The following MYO7B variants were observed in gnomAD, a reference collection of about 807,000 sequenced individuals.
MYO7B encodes unconventional myosin-VIIb.
In MYO7B, 212 loss-of-function variants were observed where a neutral mutation model predicts 259.7. The ratio of observed to expected loss-of-function variants is 0.82; its 90% CI spans 0.73 to 0.91. MYO7B has a LOEUF of 0.91. MYO7B is among the 40% of genes least tolerant of loss of function. The pLI is 0.00. For missense variants in MYO7B, 2,732 were observed against 2,813.5 expected (o/e 0.97, Z 0.66); for synonymous variants, 1,197 against 1,166.4 (o/e 1.03, Z -0.54).
In MYO7B at chr2:127,627,762, G is replaced by A. The variant is rs569166767; in HGVS notation, c.4460+452G>A. The A allele has an allele frequency of 8.7e-6, 4 of 458,506 alleles. No individual in the cohort carries two copies. The highest frequency in any genetic ancestry group is 1.8e-5 in the Non-Finnish European group (4 of 228,310). The allele number at this position is 458,506 out of a possible 1,614,324, so 28.4% of individuals were successfully genotyped here. Reference sequence around the variant, plus strand: ...GCTGGGGCTGACCCCCACTCCCATGGGTCTCCATGGATCTCATTGACTGGG... The same window carrying A: ...GCTGGGGCTGACCCCCACTCCCATGAGTCTCCATGGATCTCATTGACTGGG... On this transcript the variant is annotated intron_variant, in intron 33 of 47. Coordinates refer to ENST00000409816, the MANE Select transcript of MYO7B (RefSeq NM_001393586.1). This position sits in a 1 kb window ranked among gnomAD's most constrained non-coding sequence, Gnocchi z 5.6.
At chr2:127,635,675 TG>T in intron 43 of MYO7B, 46 bp from the exon 44 acceptor site, 1 of 1,541,012 alleles carries the variant, frequency 6.5e-7, no homozygotes, top group Non-Finnish European at 8.8e-7. Context: ...TGGGGGCGGG[TG>T]GGCCGCAGCT....
At chr2:127,567,088 G>T (rs940466167) in intron 5 of MYO7B, among the ~76,000 whole-genome samples, 16 of 152,152 alleles carry the variant, frequency 1.1e-4, no homozygotes, top group Admixed American at 9.8e-4. Context: ...AAGGAAGGAA[G>T]TTGGGCTGGG....
At chr2:127,581,867 C>T (rs540629101) in intron 10 of MYO7B, 24 bp from the exon 11 acceptor site, 23 of 1,612,808 alleles carry the variant, frequency 1.4e-5, no homozygotes, top group East Asian at 6.7e-5. Context: ...ACAGGTGCGA[C>T]GCAGCCCCCA....
chr2:127,565,210 G>A (rs764885540), intron 3 of MYO7B, 23 bp from the exon 4 acceptor site: 2 of 1,608,650 alleles, frequency 1.2e-6, no homozygotes, highest in Admixed American at 3.4e-5. Flanking sequence ...ACCCCTCAGG[G>A]GAGTCTGCAC....
In MYO7B at chr2:127,622,067, T is replaced by C; in HGVS notation, c.3611T>C (p.Val1204Ala). The C allele has an allele frequency of 4.5e-6, 7 of 1,551,446 alleles. No individual in the cohort carries two copies. Among genetic ancestry groups the C allele is most frequent in the Non-Finnish European group, 6.1e-6 (7 of 1,146,894 alleles). Residue 1204 changes from valine to alanine, a missense_variant, in exon 28 of 48, where the codon GTG becomes GCG. Val to Ala is a moderately conservative substitution (Grantham distance 64). This residue lies in a region of MYO7B where 1,906 missense variants were observed against 2,026.4 expected (regional missense o/e 0.94). Coordinates refer to ENST00000409816, the MANE Select transcript of MYO7B (RefSeq NM_001393586.1). ...CTGAGACGCACCTATGCCAATGGGG[T>C]GCGTGCGGAGCCCCCCACCTGGCTG... ...ERLRRTYANG[V>A]RAEPPTWLEL...
chr2:127,622,686 A>C (rs1216731451), intron 28 of MYO7B, among the ~76,000 whole-genome samples: 2 of 152,060 alleles, frequency 1.3e-5, no homozygotes, highest in Admixed American at 1.3e-4. Flanking sequence ...CTTCCGCTGC[A>C]CCTTCTTTCT....
intron 26 of MYO7B, among the ~76,000 whole-genome samples, chr2:127,616,064 C>G (rs1004344790): frequency 6.6e-6 from 1 of 152,238 alleles, no homozygotes; most frequent in African/African-American, 2.4e-5. Flanking sequence ...GGAGGCATGC[C>G]GTTGCTGAAG....
Position 127,629,835 on chromosome 2 carries a change from C to A in MYO7B, c.4806+9C>A. On this transcript the variant is annotated intron_variant, in intron 35 of 47. Coordinates refer to ENST00000409816, the MANE Select transcript of MYO7B (RefSeq NM_001393586.1). ...CCTCGGCACAGCTGCTGGTAACTGG[C>A]ACGCTCCCCTGTCCTCAGCCTGGGT... 6.5e-7 allele frequency: 1 copy of A among 1,548,382 alleles called. No homozygotes were observed. Among genetic ancestry groups the A allele is most frequent in the Non-Finnish European group, 8.7e-7 (1 of 1,145,022 alleles).
rs201087000 is a variant in MYO7B at position 127,627,039 on chromosome 2, G to T, written c.4280G>T (p.Arg1427Leu). 2.5e-6 allele frequency: 4 copies of T among 1,612,036 alleles called. No homozygotes were observed. The highest frequency in any genetic ancestry group is 3.4e-6 in the Non-Finnish European group (4 of 1,179,488). ...CGAGAGCAGGTGGTGGACGCCGCCCGCCTGCAGTGGCCGCTGCTCTTCTCC... is the reference window on the plus strand; with the variant it reads ...CGAGAGCAGGTGGTGGACGCCGCCCTCCTGCAGTGGCCGCTGCTCTTCTCC... Reference protein sequence around the residue: ...AVREQVVDAARLQWPLLFSRL... With the variant: ...AVREQVVDAALLQWPLLFSRL... The change falls in exon 32 of 48, where the codon CGC becomes CTC. Residue 1427 changes from arginine to leucine, a missense_variant. Physicochemically the swap from Arg to Leu is moderately radical, Grantham distance 102 (BLOSUM62 -2). This residue lies in a region of MYO7B where 1,906 missense variants were observed against 2,026.4 expected (regional missense o/e 0.94). Coordinates refer to ENST00000409816, the MANE Select transcript of MYO7B (RefSeq NM_001393586.1). This position sits in a 1 kb window ranked among gnomAD's most constrained non-coding sequence, Gnocchi z 5.6.
intron 15 of MYO7B, 55 bp downstream of exon 15, chr2:127,588,610 A>T: frequency 6.3e-7 from 1 of 1,596,452 alleles, no homozygotes; most frequent in Non-Finnish European, 8.6e-7. Flanking sequence ...ACAGGGCCAG[A>T]CAGACATGTA....
At chr2:127,563,669 C>G (rs1053099869) in intron 2 of MYO7B, among the ~76,000 whole-genome samples, 1 of 152,194 alleles carries the variant, frequency 6.6e-6, no homozygotes, top group Non-Finnish European at 1.5e-5. Flanking sequence ...TTTGCCCTCT[C>G]TTTCTGGAAC....
In MYO7B at chr2:127,637,336, G is replaced by A. The variant is rs1327112596; in HGVS notation, c.6348G>A (p.Leu2116=). ...TCCAGGGCTATAAGATGGATGACCT[G>A]CTGACCTCATATGTGCAGCAGCTCC... ...ETSLGYKMDD[L]LTSYVQQLLS... is the part of the protein sequence containing the mutation. Residue 2116 remains leucine, a synonymous_variant, in exon 48 of 48, where the codon CTG becomes CTA. Transcript: ENST00000409816. 34 of 1,591,198 alleles carry A rather than the reference G, an allele frequency of 2.1e-5. No homozygotes were observed. The highest frequency in any genetic ancestry group is 2.7e-5 in the Non-Finnish European group (31 of 1,168,854).
rs775138938 is a variant in MYO7B at position 127,576,545 on chromosome 2, T to G, written c.736-50T>G. 7.9e-7 allele frequency: 1 copy of G among 1,273,350 alleles called. No homozygotes were observed. Among genetic ancestry groups the G allele is most frequent in the African/African-American group, 1.5e-5 (1 of 67,666 alleles). 78.9% of individuals were successfully genotyped at this position (1,273,350 alleles called of 1,614,324 possible). On this transcript the variant is annotated intron_variant, in intron 7 of 47. Coordinates refer to ENST00000409816, the MANE Select transcript of MYO7B (RefSeq NM_001393586.1). The surrounding 1 kb of genome is among the most constrained non-coding windows in gnomAD (Gnocchi z 4.9). ...AGAGGCAGTCTGAGGCCCTGAGGCC[T>G]CAGGGGAATGGCTCATGAATCTGTC...
chr2:127,558,004 T>A (rs12469821), intron 1 of MYO7B, among the ~76,000 whole-genome samples: 5 of 152,010 alleles, frequency 3.3e-5, no homozygotes, highest in African/African-American at 4.8e-5. Context: ...TGGGACTTAA[T>A]TAAACTAAAG....
chr2:127,636,795 A>T lies in MYO7B; in HGVS notation c.6209A>T (p.Asp2070Val). 7.7e-7 allele frequency: 1 copy of T among 1,304,878 alleles called. No homozygotes were observed. The highest frequency in any genetic ancestry group is 1.2e-5 in the South Asian group (1 of 85,642). The allele number at this position is 1,304,878 out of a possible 1,614,324, so 80.8% of individuals were successfully genotyped here. A position where few individuals can be genotyped will look rare whatever the true frequency, so the allele number is the denominator to read the frequency against. ...CCCACCCACCCTCTCTGCCCCCAGGACCTGCTCACCACCTATCCCTTCACC... is the reference window on the plus strand; with the variant it reads ...CCCACCCACCCTCTCTGCCCCCAGGTCCTGCTCACCACCTATCCCTTCACC... ...GVLLIHPKTK[D>V]LLTTYPFTKI... The change falls in exon 47 of 48, where the codon GAC becomes GTC. Residue 2070 changes from aspartate (D) to valine (V), a missense_variant and splice_region_variant. Asp to Val is a radical substitution (Grantham distance 152). Around this residue, in one of 3 missense-constraint regions of MYO7B, gnomAD observed 821 missense variants for 769.3 expected, o/e 1.07. Transcript: ENST00000409816. The surrounding 1 kb of genome is among the most constrained non-coding windows in gnomAD (Gnocchi z 4.5).
rs1057495683 is a variant in MYO7B, at chr2:127,577,775, C to A, written c.850-358C>A. Among the ~76,000 whole-genome samples, 1 of 152,222 alleles carries A rather than the reference C, an allele frequency of 6.6e-6. No homozygotes were observed. Among genetic ancestry groups the A allele is most frequent in the Non-Finnish European group, 1.5e-5 (1 of 68,028 alleles). On this transcript the variant is annotated intron_variant, in intron 8 of 47. Coordinates refer to ENST00000409816, the MANE Select transcript of MYO7B (RefSeq NM_001393586.1). The surrounding 1 kb of genome is among the most constrained non-coding windows in gnomAD (Gnocchi z 5.2). ...GGCTCCCTGCCTGCCCCCCTGGATG[C>A]GCAGCACAGGGCCTGGCCCATGGCG...
intron 9 of MYO7B, among the ~76,000 whole-genome samples, chr2:127,580,516 C>T (rs906764913): frequency 6.6e-6 from 1 of 152,198 alleles, no homozygotes; most frequent in African/African-American, 2.4e-5. Flanking sequence ...CCCTGGTCTC[C>T]TCAAGAGGAA....
intron 1 of MYO7B, among the ~76,000 whole-genome samples, chr2:127,544,015 C>T (rs1023239167): frequency 2.6e-5 from 4 of 152,086 alleles, no homozygotes; most frequent in Non-Finnish European, 4.4e-5. Flanking sequence ...TCGTGATCTG[C>T]CTGCCTCGGC....
In MYO7B at chr2:127,581,953, T is replaced by A; in HGVS notation, c.1143T>A (p.Phe381Leu). 3 of 1,613,938 alleles carry A rather than the reference T, an allele frequency of 1.9e-6. No individual in the cohort carries two copies. Among genetic ancestry groups the A allele is most frequent in the Middle Eastern group, 1.6e-4 (1 of 6,062 alleles). The change falls in exon 11 of 48, where the codon TTT (phenylalanine) becomes TTA (leucine). Residue 381 changes from phenylalanine to leucine, a missense_variant. By Grantham distance (22) the Phe-to-Leu change is conservative (BLOSUM62 0). Transcript: ENST00000409816. ...IKHTILIRGE[F>L]VTRSLNIAQA... ...ACACCATCCTCATCCGAGGGGAATT[T>A]GTCACCAGGTCCCTGAACATTGCCC... is the stretch of plus-strand genomic sequence containing the variant.
Sources: gnomAD v4.1 joint callset for allele counts (sites outside exome capture counted in the v4.1 genomes callset) on GRCh38, gnomAD v4.1.1 for gene constraint, gnomAD v4.1.1 regional missense constraint, Gnocchi (gnomAD v3.1) non-coding constraint, MANE v1.5 for transcripts, NCBI Gene and HGNC (gene_info 2026-07-23, HGNC 2026-07-21) for gene names.